NKX2-3: variants seen among roughly 807,000 people sequenced by gnomAD.
NKX2-3 encodes the protein homeobox protein Nkx-2.3.
A neutral mutation model predicts 14.2 loss-of-function variants in NKX2-3; 3 were observed. The observed-to-expected ratio is 0.21, with a 90% CI of 0.10 to 0.55. The LOEUF is 0.55. NKX2-3 is among the 20% of genes least tolerant of loss of function. The probability of loss-of-function intolerance (pLI) is 0.94; values close to 1 mark genes in which losing one functional copy is unlikely to be tolerated. For missense variants in NKX2-3, 511 were observed against 514.5 expected, an observed-to-expected ratio of 0.99 and a Z score of 0.06; for synonymous variants, 276 against 234.2, an observed-to-expected ratio of 1.18 and a Z score of -1.63.
chr10:99,534,711 A>G (rs2033946441), intron 1 of NKX2-3, among the ~76,000 whole-genome samples: 1 of 152,234 alleles, frequency 6.6e-6, no homozygotes, highest in Non-Finnish European at 1.5e-5. Flanking sequence ...TTTAATACAG[A>G]GTAATCTCTT....
rs551646131 is a variant in NKX2-3, at chr10:99,533,540, A to G, written c.358+51A>G. 5.8e-6 allele frequency: 8 copies of G among 1,370,120 alleles called. No individual in the cohort carries two copies. The East Asian group carries it at 2.0e-4, about 34-fold the overall frequency. The allele number at this position is 1,370,120 out of a possible 1,614,324, so 84.9% of individuals were successfully genotyped here. On this transcript the variant is annotated intron_variant, in intron 1 of 1. Transcript: ENST00000344586. ...ACCCGCACACCTGGAGCAATGGCAGAGCGCACACAAACAGCCCACAGACCT... is the reference window on the plus strand; with the variant it reads ...ACCCGCACACCTGGAGCAATGGCAGGGCGCACACAAACAGCCCACAGACCT...
chr10:99,534,912 C>A, intron 1 of NKX2-3, 73 bp from the exon 2 acceptor site: 2 of 1,507,518 alleles, frequency 1.3e-6, no homozygotes, highest in South Asian at 1.3e-5. Flanking sequence ...CAAAAAGGGT[C>A]ACGGTGCTCC....
Position 99,533,057 on chromosome 10 carries a change from A to G in NKX2-3, c.-75A>G, listed in dbSNP as rs2033927315. On this transcript the variant is annotated 5_prime_UTR_variant, in exon 1 of 2. Coordinates refer to ENST00000344586, the MANE Select transcript of NKX2-3 (RefSeq NM_145285.3). ...GGCAGCAGCGGCGGAGTCCAGGAGG[A>G]GAGCTGGAGCCGCCGCGCTGCCTCC... is the stretch of plus-strand genomic sequence containing the variant. The G allele has an allele frequency of 1.9e-6, 2 of 1,043,200 alleles. No homozygotes were observed. Among genetic ancestry groups the G allele is most frequent in the African/African-American group, 3.2e-5 (2 of 62,770 alleles). 64.6% of individuals were successfully genotyped at this position (1,043,200 alleles called of 1,614,324 possible).
chr10:99,533,832 G>A (rs2033937353), intron 1 of NKX2-3, among the ~76,000 whole-genome samples: 1 of 152,208 alleles, frequency 6.6e-6, no homozygotes. Context: ...CGCCCCAAAA[G>A]GCTCTTCCCC....
chr10:99,534,273 A>G (rs2033942977), intron 1 of NKX2-3, among the ~76,000 whole-genome samples: 1 of 152,244 alleles, frequency 6.6e-6, no homozygotes, highest in African/African-American at 2.4e-5. Flanking sequence ...AGATGGGATA[A>G]TCAAATAAAG....
At position 99,533,444 on chromosome 10, in the gene NKX2-3, A is replaced by C. The variant is rs2033932771; in HGVS notation, c.313A>C (p.Lys105Gln). Residue 105 changes from lysine to glutamine, a missense_variant, in exon 1 of 2, where the codon AAG (lysine) becomes CAG (glutamine). Physicochemically the swap from Lys to Gln is moderately conservative, Grantham distance 53. Around this residue, in one of 3 missense-constraint regions of NKX2-3, gnomAD observed 243 missense variants for 242.3 expected, o/e 1.00. Coordinates refer to ENST00000344586, the MANE Select transcript of NKX2-3 (RefSeq NM_145285.3). ...CCTGCGAGACTCGTGCAGCGAGCCC[A>C]AGGAACATGAAGAGGAGCCCGAGGT... ...TVLRDSCSEPKEHEEEPEVVR... is the reference protein window; with the variant it reads ...TVLRDSCSEPQEHEEEPEVVR... The C allele has an allele frequency of 1.3e-6, 2 of 1,591,594 alleles. No individual in the cohort carries two copies. The highest frequency in any genetic ancestry group is 1.3e-5 in the African/African-American group (1 of 74,790).
rs1222577631 is a variant in NKX2-3 at position 99,535,064 on chromosome 10, C to T, written c.438C>T (p.Arg146=). The change falls in exon 2 of 2, where the codon CGC becomes CGT. Residue 146 remains arginine (R), a synonymous_variant. Coordinates refer to ENST00000344586, the MANE Select transcript of NKX2-3 (RefSeq NM_145285.3). ...AGGAGAGCGAGAGGCCGAAGCCACG[C>T]AGCCGCCGGAAGCCCCGGGTCCTCT... The part of the protein sequence containing the change: ...AAEESERPKP[R]SRRKPRVLFS... The T allele has an allele frequency of 1.9e-6, 3 of 1,606,258 alleles. No individual in the cohort carries two copies. Among genetic ancestry groups the T allele is most frequent in the Non-Finnish European group, 2.5e-6 (3 of 1,176,796 alleles).
In NKX2-3 at chr10:99,535,896, G is replaced by T. The variant is rs919270461; in HGVS notation, c.*175G>T. Reference sequence around the variant, plus strand: ...GGCCTGGGGAAGGGGACTCAGGGGCGAGGAGGATGACTGGGTCCGGTCGCC... The same window carrying T: ...GGCCTGGGGAAGGGGACTCAGGGGCTAGGAGGATGACTGGGTCCGGTCGCC... On this transcript the variant is annotated 3_prime_UTR_variant, in exon 2 of 2. Coordinates refer to ENST00000344586, the MANE Select transcript of NKX2-3 (RefSeq NM_145285.3). 9.5e-6 allele frequency: 7 copies of T among 740,382 alleles called. No homozygotes were observed. The highest frequency in any genetic ancestry group is 1.4e-5 in the Non-Finnish European group (7 of 484,900). The allele number at this position is 740,382 out of a possible 1,614,324, so 45.9% of individuals were successfully genotyped here.
In NKX2-3 at chr10:99,535,467, G is replaced by A. The variant is rs1426820638; in HGVS notation, c.841G>A (p.Ala281Thr). 4 of 1,204,386 alleles carry A rather than the reference G, an allele frequency of 3.3e-6. No homozygotes were observed. Among genetic ancestry groups the A allele is most frequent in the Non-Finnish European group, 3.1e-6 (3 of 965,288 alleles). 74.6% of individuals were successfully genotyped at this position (1,204,386 alleles called of 1,614,324 possible). Residue 281 changes from alanine to threonine, a missense_variant, in exon 2 of 2, where the codon GCC becomes ACC. Physicochemically the swap from Ala to Thr is moderately conservative, Grantham distance 58. Transcript: ENST00000344586. Reference protein sequence around the residue: ...AAAAAAAAAAAAAAAAYSSSY... With the variant: ...AAAAAAAAAATAAAAAYSSSY... The stretch of plus-strand genomic sequence containing the variant: ...GGCCGCCGCCGCCGCCGCCGCCGCC[G>A]CCGCAGCAGCGGCGGCCTACAGCAG...
At chr10:99,533,559 C>A (rs2033934729) in intron 1 of NKX2-3, 70 bp downstream of exon 1, 2 of 1,204,042 alleles carry the variant, frequency 1.7e-6, no homozygotes, top group East Asian at 2.6e-5. Context: ...AAACAGCCCA[C>A]AGACCTTGCC....
Position 99,535,806 on chromosome 10 carries a change from A to C in NKX2-3, c.*85A>C. The stretch of plus-strand genomic sequence containing the variant: ...TCGAGAAGGGCCTGACCTAAAGGTC[A>C]GGTCCCCTCGTTAAAAAAATATGTA... On this transcript the variant is annotated 3_prime_UTR_variant, in exon 2 of 2. Coordinates refer to ENST00000344586, the MANE Select transcript of NKX2-3 (RefSeq NM_145285.3). 7.1e-7 allele frequency: 1 copy of C among 1,399,004 alleles called. No individual in the cohort carries two copies. The highest frequency in any genetic ancestry group is 9.4e-7 in the Non-Finnish European group (1 of 1,065,850). 86.7% of individuals were successfully genotyped at this position (1,399,004 alleles called of 1,614,324 possible). A position where few individuals can be genotyped will look rare whatever the true frequency, so the allele number is the denominator to read the frequency against.
rs2033962840 is a variant in NKX2-3 at position 99,535,715 on chromosome 10, C to G, written c.1089C>G (p.Ala363=). Residue 363 remains alanine (A), a synonymous_variant, in exon 2 of 2, where the codon GCC becomes GCG. Transcript: ENST00000344586. ...AGGGCACCTTGCAGGGCATCCGGGC[C>G]TGGTAGGGACGGGGCGGGTCACGCG... The part of the protein sequence containing the change: ...CAQGTLQGIR[A]W 7 of 1,532,800 alleles carry G rather than the reference C, an allele frequency of 4.6e-6. No homozygotes were observed. In the South Asian group the frequency reaches 8.3e-5, roughly 18 times the overall value. 94.9% of individuals were successfully genotyped at this position (1,532,800 alleles called of 1,614,324 possible). A position where few individuals can be genotyped will look rare whatever the true frequency, so the allele number is the denominator to read the frequency against.
Position 99,536,040 on chromosome 10 carries a change from GAGA to G in NKX2-3, c.*322_*324del, listed in dbSNP as rs1414133551. The stretch of plus-strand genomic sequence containing the variant: ...TGGCCGCGCTTGGTTCTTCCAAAGC[GAGA>G]AGGGCTTCTCTCCCTCTGCCTTTCC... On this transcript the variant is annotated 3_prime_UTR_variant, in exon 2 of 2. Coordinates refer to ENST00000344586, the MANE Select transcript of NKX2-3 (RefSeq NM_145285.3). 5.7e-6 allele frequency: 2 copies of G among 353,740 alleles called. No individual in the cohort carries two copies. Among genetic ancestry groups the G allele is most frequent in the African/African-American group, 4.3e-5 (2 of 46,352 alleles). 21.9% of individuals were successfully genotyped at this position (353,740 alleles called of 1,614,324 possible).
rs1468603382 is a variant in NKX2-3 at position 99,535,461 on chromosome 10, G to A, written c.835G>A (p.Ala279Thr). 4 of 1,233,684 alleles carry A rather than the reference G, an allele frequency of 3.2e-6. No homozygotes were observed. The highest frequency in any genetic ancestry group is 2.0e-5 in the South Asian group (1 of 51,078). The allele number at this position is 1,233,684 out of a possible 1,614,324, so 76.4% of individuals were successfully genotyped here. Residue 279 changes from alanine to threonine, a missense_variant, in exon 2 of 2, where the codon GCC becomes ACC. Ala to Thr is a moderately conservative substitution (Grantham distance 58, BLOSUM62 0). Coordinates refer to ENST00000344586, the MANE Select transcript of NKX2-3 (RefSeq NM_145285.3). ...GGCCGCGGCCGCCGCCGCCGCCGCC[G>A]CCGCCGCCGCAGCAGCGGCGGCCTA... The part of the protein sequence containing the change: ...NSAAAAAAAA[A>T]AAAAAAAYSS...
In NKX2-3 at chr10:99,534,981, G is replaced by A; in HGVS notation, c.359-4G>A. The A allele has an allele frequency of 6.3e-7, 1 of 1,587,476 alleles. No homozygotes were observed. On this transcript the variant is annotated splice_region_variant and splice_polypyrimidine_tract_variant and intron_variant, in intron 1 of 1. Transcript: ENST00000344586. ...AAGGACGCTGTTGTTTGCTTCTTCC[G>A]CAGAAAGCTGCCAGCTGAAGAAGTC...
At position 99,535,640 on chromosome 10, in the gene NKX2-3, C is replaced by A; in HGVS notation, c.1014C>A (p.Gly338=). Residue 338 remains glycine, a synonymous_variant, in exon 2 of 2, where the codon GGC becomes GGA. Coordinates refer to ENST00000344586, the MANE Select transcript of NKX2-3 (RefSeq NM_145285.3). ...VSNLGGFGSG[G]SAQPLHQGTA... ...ACCTAGGAGGCTTCGGCAGCGGCGG[C>A]AGCGCACAGCCGTTGCACCAGGGTA... is the stretch of plus-strand genomic sequence containing the variant. 1.3e-6 allele frequency: 2 copies of A among 1,534,680 alleles called. No homozygotes were observed. Among genetic ancestry groups the A allele is most frequent in the Non-Finnish European group, 1.7e-6 (2 of 1,144,168 alleles).
At position 99,535,816 on chromosome 10, in the gene NKX2-3, G is replaced by T; in HGVS notation, c.*95G>T. The T allele has an allele frequency of 1.5e-6, 2 of 1,360,414 alleles. No homozygotes were observed. 84.3% of individuals were successfully genotyped at this position (1,360,414 alleles called of 1,614,324 possible). ...CCTGACCTAAAGGTCAGGTCCCCTC[G>T]TTAAAAAAATATGTACGTCTAGCTC... On this transcript the variant is annotated 3_prime_UTR_variant, in exon 2 of 2. Transcript: ENST00000344586.
Position 99,532,968 on chromosome 10 carries a change from C to A in NKX2-3, c.-164C>A. ...GTGGCTGTAACAAAACCCAGACCCCCAGGTCCCGGCCAATGGAGGCGATTT... is the reference window on the plus strand; with the variant it reads ...GTGGCTGTAACAAAACCCAGACCCCAAGGTCCCGGCCAATGGAGGCGATTT... On this transcript the variant is annotated 5_prime_UTR_variant, in exon 1 of 2. Coordinates refer to ENST00000344586, the MANE Select transcript of NKX2-3 (RefSeq NM_145285.3). 1 of 603,926 alleles carries A rather than the reference C, an allele frequency of 1.7e-6. No homozygotes were observed. The highest frequency in any genetic ancestry group is 3.0e-6 in the Non-Finnish European group (1 of 336,654). 37.4% of individuals were successfully genotyped at this position (603,926 alleles called of 1,614,324 possible).
intron 1 of NKX2-3, among the ~76,000 whole-genome samples, chr10:99,533,948 A>T (rs889632691): frequency 6.6e-6 from 1 of 152,130 alleles, no homozygotes; most frequent in Non-Finnish European, 1.5e-5. Context: ...CAGCCCAAGC[A>T]GCCTGTGTCT....
Sources: allele counts gnomAD v4.1 joint callset (sites outside exome capture counted in the v4.1 genomes callset), GRCh38; gene constraint gnomAD v4.1.1; regional missense constraint gnomAD v4.1.1; transcripts MANE v1.5; gene names NCBI Gene and HGNC (gene_info 2026-07-23, HGNC 2026-07-21).